ASIC1: variants seen among roughly 807,000 people sequenced by gnomAD.
The protein encoded by ASIC1 is acid-sensing ion channel 1.
Under a neutral mutation model 63.4 loss-of-function variants are expected in ASIC1, and 21 were observed. That is an observed-to-expected ratio of 0.33 (90% CI 0.23 to 0.48). The LOEUF is 0.48. ASIC1 is among the 20% of genes least tolerant of loss of function. ASIC1 has a pLI of 0.99. For synonymous variants in ASIC1, 258 were observed against 278.2 expected (o/e 0.93, Z 0.72); for missense variants, 478 against 695.5 (o/e 0.69, Z 3.52).
At position 50,074,282 on chromosome 12, in the gene ASIC1, G is replaced by A; in HGVS notation, c.559-2931G>A. 1.4e-6 allele frequency: 2 copies of A among 1,443,082 alleles called. No individual in the cohort carries two copies. The highest frequency in any genetic ancestry group is 1.8e-6 in the Non-Finnish European group (2 of 1,100,876). 89.4% of individuals were successfully genotyped at this position (1,443,082 alleles called of 1,614,324 possible). ...CCATGCCTGCCACAGTACCCCAAGA[G>A]TGTCTGCCATGGCTGTCCCTGACTG... On this transcript the variant is annotated intron_variant, in intron 3 of 11. Coordinates refer to ENST00000447966, the MANE Select transcript of ASIC1 (RefSeq NM_001095.4). This position sits in a 1 kb window ranked among gnomAD's most constrained non-coding sequence, Gnocchi z 4.2.
In ASIC1 at chr12:50,074,031, C is replaced by A; in HGVS notation, c.559-3182C>A. 1 of 1,534,506 alleles carries A rather than the reference C, an allele frequency of 6.5e-7. No homozygotes were observed. Among genetic ancestry groups the A allele is most frequent in the Non-Finnish European group, 8.7e-7 (1 of 1,145,746 alleles). On this transcript the variant is annotated intron_variant, in intron 3 of 11. Transcript: ENST00000447966. This position sits in a 1 kb window ranked among gnomAD's most constrained non-coding sequence, Gnocchi z 4.2. Reference sequence around the variant, plus strand: ...CTAATGCTGTGCGGCTGTCCCAGCTCAGCTACCCTGACTTGCTTTATTTGG... The same window carrying A: ...CTAATGCTGTGCGGCTGTCCCAGCTAAGCTACCCTGACTTGCTTTATTTGG...
chr12:50,078,770 G>A lies in ASIC1; in HGVS notation c.995-154G>A, dbSNP rs1950684740. Reference sequence around the variant, plus strand: ...GGGTGGGAAGGGTCTAGAAGGTATGGACCTGGAGTGGGTCACTTCTGGGGC... The same window carrying A: ...GGGTGGGAAGGGTCTAGAAGGTATGAACCTGGAGTGGGTCACTTCTGGGGC... On this transcript the variant is annotated intron_variant, in intron 6 of 11. Coordinates refer to ENST00000447966, the MANE Select transcript of ASIC1 (RefSeq NM_001095.4). This position sits in a 1 kb window ranked among gnomAD's most constrained non-coding sequence, Gnocchi z 6.0. 8 of 1,309,298 alleles carry A rather than the reference G, an allele frequency of 6.1e-6. No individual in the cohort carries two copies. The highest frequency in any genetic ancestry group is 8.8e-6 in the Non-Finnish European group (8 of 912,748). The allele number at this position is 1,309,298 out of a possible 1,614,324, so 81.1% of individuals were successfully genotyped here. A position where few individuals can be genotyped will look rare whatever the true frequency, so the allele number is the denominator to read the frequency against.
rs1055147518 is a variant in ASIC1 at position 50,074,957 on chromosome 12, A to G, written c.559-2256A>G. Among the ~76,000 whole-genome samples the G allele has an allele frequency of 1.3e-5, 2 of 150,338 alleles. No individual in the cohort carries two copies. The highest frequency in any genetic ancestry group is 2.9e-5 in the Non-Finnish European group (2 of 67,808). On this transcript the variant is annotated intron_variant, in intron 3 of 11. Transcript: ENST00000447966. The surrounding 1 kb of genome is among the most constrained non-coding windows in gnomAD (Gnocchi z 4.2). ...AATCATATCCCTCTCCCCAGCTTTA[A>G]GTGGCCAGGGACCCTCTTCCTAGGG... is the stretch of plus-strand genomic sequence containing the variant.
chr12:50,058,862 C>T lies in ASIC1; in HGVS notation c.96C>T (p.His32=), dbSNP rs752489002. 4 of 1,614,138 alleles carry T rather than the reference C, an allele frequency of 2.5e-6. No individual in the cohort carries two copies. Among genetic ancestry groups the T allele is most frequent in the Admixed American group, 1.7e-5 (1 of 60,030 alleles). The part of the protein sequence containing the change: ...ASSSTLHGLA[H]IFSYERLSLK... ...GCTCCACACTGCACGGCCTGGCCCA[C>T]ATCTTCTCCTACGAGCGGCTGTCTC... Residue 32 remains histidine (H), a synonymous_variant, in exon 2 of 12, where the codon CAC becomes CAT. Transcript: ENST00000447966.
rs144631112 is a variant in ASIC1 at position 50,081,855 on chromosome 12, A to G, written c.*206A>G. The G allele has an allele frequency of 4.3e-5, 25 of 580,646 alleles. No individual in the cohort carries two copies. The African/African-American group carries it at 4.3e-4, about 10-fold the overall frequency. The allele number at this position is 580,646 out of a possible 1,614,324, so 36.0% of individuals were successfully genotyped here. A position where few individuals can be genotyped will look rare whatever the true frequency, so the allele number is the denominator to read the frequency against. On this transcript the variant is annotated 3_prime_UTR_variant, in exon 12 of 12. Coordinates refer to ENST00000447966, the MANE Select transcript of ASIC1 (RefSeq NM_001095.4). ...TTTTTACATTTAACAAAACTAATCTAAAAAAGAACTAAAAAGGGAGAACGG... is the reference window on the plus strand; with the variant it reads ...TTTTTACATTTAACAAAACTAATCTGAAAAAGAACTAAAAAGGGAGAACGG...
intron 3 of ASIC1, among the ~76,000 whole-genome samples, chr12:50,063,200 AG>A (rs1950516226): frequency 6.6e-6 from 1 of 151,658 alleles, no homozygotes; most frequent in Non-Finnish European, 1.5e-5. Flanking sequence ...GATTCCATGG[AG>A]GGGGGCTGGG....
chr12:50,081,210 C>A (rs1302934253), intron 10 of ASIC1, 29 bp downstream of exon 10: 2 of 1,607,244 alleles, frequency 1.2e-6, no homozygotes, highest in South Asian at 2.2e-5. Context: ...CGGCACGGGG[C>A]CACGTGGGGG....
rs1950743279 is a variant in ASIC1, at chr12:50,083,535, T to C, written c.*1886T>C. 6.5e-6 allele frequency: 1 copy of C among 152,738 alleles called. No homozygotes were observed. The highest frequency in any genetic ancestry group is 1.5e-5 in the Non-Finnish European group (1 of 68,156). 9.5% of individuals were successfully genotyped at this position (152,738 alleles called of 1,614,324 possible). A position where few individuals can be genotyped will look rare whatever the true frequency, so the allele number is the denominator to read the frequency against. On this transcript the variant is annotated 3_prime_UTR_variant, in exon 12 of 12. Coordinates refer to ENST00000447966, the MANE Select transcript of ASIC1 (RefSeq NM_001095.4). The stretch of plus-strand genomic sequence containing the variant: ...GGGAAGCAGGAATGAGGCCAAAAAG[T>C]GTGCATTGGATAGGGGAACAGCAGG...
chr12:50,061,259 T>C (rs1950498376), intron 3 of ASIC1, among the ~76,000 whole-genome samples: 1 of 152,202 alleles, frequency 6.6e-6, no homozygotes, highest in Non-Finnish European at 1.5e-5. Flanking sequence ...ACCATAGTCA[T>C]GCTTAGTGTT....
intron 3 of ASIC1, among the ~76,000 whole-genome samples, chr12:50,071,732 G>A (rs139316781): frequency 1.3e-5 from 2 of 152,110 alleles, no homozygotes; most frequent in African/African-American, 4.8e-5. Context: ...TGCAACCTCC[G>A]CCTCCCGGGT....
chr12:50,070,904 C>G (rs565732776), intron 3 of ASIC1: 1 of 152,426 alleles, frequency 6.6e-6, no homozygotes, highest in Non-Finnish European at 1.5e-5. Flanking sequence ...GTGGGGGAGT[C>G]TCTCCTCATC....
chr12:50,069,256 TTTTATTTA>T (rs58172412), intron 3 of ASIC1, among the ~76,000 whole-genome samples: 49,937 of 146,192 alleles, frequency 0.34, 9,504 homozygotes, highest in Middle Eastern at 0.47. Context: ...TTATTTTTTA[TTTTATTTA>T]TTTATTTATT....
chr12:50,068,293 A>G (rs1311731831), intron 3 of ASIC1, among the ~76,000 whole-genome samples: 2 of 152,176 alleles, frequency 1.3e-5, no homozygotes, highest in South Asian at 2.1e-4. Context: ...GGTTGTTACT[A>G]GTTTTTGGCT....
intron 4 of ASIC1, among the ~76,000 whole-genome samples, chr12:50,077,793 G>T (rs572255669): frequency 2.0e-5 from 3 of 152,156 alleles, no homozygotes; most frequent in Admixed American, 6.5e-5. Flanking sequence ...AAGAAAAGAA[G>T]TGTGTAGGAT....
chr12:50,068,712 G>A (rs548784738), intron 3 of ASIC1, among the ~76,000 whole-genome samples: 1 of 151,416 alleles, frequency 6.6e-6, no homozygotes, highest in African/African-American at 2.4e-5. Flanking sequence ...TTACCTGTGT[G>A]CCTGATCTAG....
In ASIC1 at chr12:50,059,882, G is replaced by T; in HGVS notation, c.486G>T (p.Gly162=). Residue 162 remains glycine, a synonymous_variant, in exon 3 of 12, where the codon GGG becomes GGT. Transcript: ENST00000447966. The surrounding 1 kb of genome is among the most constrained non-coding windows in gnomAD (Gnocchi z 4.6). Reference sequence around the variant, plus strand: ...TGCGTGAGTTCTACGACCGAGCTGGGCACGACATTCGAGACATGCTGCTCT... The same window carrying T: ...TGCGTGAGTTCTACGACCGAGCTGGTCACGACATTCGAGACATGCTGCTCT... ...FNMREFYDRA[G]HDIRDMLLSC... 3.1e-6 allele frequency: 5 copies of T among 1,614,182 alleles called. No individual in the cohort carries two copies. In the South Asian group the frequency reaches 5.5e-5, roughly 18 times the overall value.
intron 3 of ASIC1, among the ~76,000 whole-genome samples, chr12:50,072,346 G>A (rs1378398468): frequency 1.3e-5 from 2 of 152,096 alleles, no homozygotes; most frequent in African/African-American, 2.4e-5. Flanking sequence ...TCCTCCCCTC[G>A]GGTCACCTTC....
Position 50,077,362 on chromosome 12 carries a change from T to C in ASIC1, c.708T>C (p.Thr236=). The change falls in exon 4 of 12, where the codon ACT becomes ACC. Residue 236 remains threonine, a splice_region_variant and synonymous_variant. Transcript: ENST00000447966. ...QDEYLPVWGE[T]DETSFEAGIK... The stretch of plus-strand genomic sequence containing the variant: ...AGTACCTGCCTGTGTGGGGGGAGAC[T>C]GGTACGTCACCCACTTCAGGGGCCC... 6.2e-7 allele frequency: 1 copy of C among 1,614,132 alleles called. No individual in the cohort carries two copies. The highest frequency in any genetic ancestry group is 8.5e-7 in the Non-Finnish European group (1 of 1,180,008).
At position 50,081,260 on chromosome 12, in the gene ASIC1, G is replaced by C. The variant is rs1362795589; in HGVS notation, c.1378G>C (p.Val460Leu). Residue 460 changes from valine to leucine, a missense_variant and splice_region_variant, in exon 11 of 12, where the codon GTC (valine) becomes CTC (leucine). Around this residue, in one of 3 missense-constraint regions of ASIC1, gnomAD observed 104 missense variants for 97.0 expected, o/e 1.07. Transcript: ENST00000447966. Reference protein sequence around the residue: ...VLELFDYAYEVIKHKLCRRGK... With the variant: ...VLELFDYAYELIKHKLCRRGK... The stretch of plus-strand genomic sequence containing the variant: ...CCCACCTGCCCCGTCCCCGTCCTAG[G>C]TCATTAAGCACAAGCTGTGCCGACG... 1 of 1,607,576 alleles carries C rather than the reference G, an allele frequency of 6.2e-7. No homozygotes were observed. Among genetic ancestry groups the C allele is most frequent in the African/African-American group, 1.3e-5 (1 of 74,834 alleles).
Sources: allele counts gnomAD v4.1 joint callset (sites outside exome capture counted in the v4.1 genomes callset), GRCh38; gene constraint gnomAD v4.1.1; regional missense constraint gnomAD v4.1.1; non-coding constraint Gnocchi (gnomAD v3.1); transcripts MANE v1.5; gene names NCBI Gene and HGNC (gene_info 2026-07-23, HGNC 2026-07-21).